The following FGD4 variants were observed in gnomAD, a reference collection of about 807,000 sequenced individuals.
The protein encoded by FGD4 is FYVE, RhoGEF and PH domain containing 4.
Under a neutral mutation model 102.0 loss-of-function variants are expected in FGD4, and 42 were observed. The observed-to-expected ratio is 0.41, with a 90% CI of 0.32 to 0.53. The LOEUF (loss-of-function observed/expected upper bound fraction) is 0.53, where lower values mean the gene tolerates loss of function less well. Among genes scored for constraint, FGD4 ranks in the 20% least tolerant of loss-of-function variants. The pLI, the probability that FGD4 is intolerant of heterozygous loss-of-function variation, is 0.21. For missense variants in FGD4, 902 were observed against 1,078.2 expected (o/e 0.84, Z 2.29); for synonymous variants, 380 against 375.7 (o/e 1.01, Z -0.13).
chr12:32,443,538 T>C (rs1032050578), intron 1 of FGD4, among the ~76,000 whole-genome samples: 4 of 147,336 alleles, frequency 2.7e-5, no homozygotes, highest in African/African-American at 9.9e-5. Flanking sequence ...TTTTAGGTTT[T>C]TTTTTTTTTT....
In FGD4 at chr12:32,582,220, C is replaced by T. The variant is rs1946672101; in HGVS notation, c.764C>T (p.Ala255Val). The T allele has an allele frequency of 6.2e-7, 1 of 1,614,224 alleles. No individual in the cohort carries two copies. The highest frequency in any genetic ancestry group is 8.5e-7 in the Non-Finnish European group (1 of 1,180,046). Residue 255 changes from alanine (A) to valine (V), a missense_variant, in exon 4 of 17, where the codon GCT (alanine) becomes GTT (valine). By Grantham distance (64) the Ala-to-Val change is moderately conservative. Around this residue, in one of 2 missense-constraint regions of FGD4, gnomAD observed 443 missense variants for 459.2 expected, o/e 0.96. Transcript: ENST00000534526. ...ATLSSDTSIQASEPLLDTHIV... is the reference protein window; with the variant it reads ...ATLSSDTSIQVSEPLLDTHIV... ...CTTAGCTCAGATACTTCTATTCAAG[C>T]TTCTGAACCCTTGCTTGATACGCAC...
Position 32,633,584 on chromosome 12 carries a change from A to G in FGD4, c.2208A>G (p.Gln736=). 3 of 1,613,984 alleles carry G rather than the reference A, an allele frequency of 1.9e-6. No homozygotes were observed. The East Asian group carries it at 6.7e-5, about 36-fold the overall frequency. Residue 736 remains glutamine (Q), a synonymous_variant, in exon 15 of 17, where the codon CAA becomes CAG. Coordinates refer to ENST00000534526, the MANE Select transcript of FGD4 (RefSeq NM_001370298.3). ...GGAAATGCTCCGACTACAAAGCTCA[A>G]CTTGAATATGATGGTGGTAAATTGA... ...VCWKCSDYKA[Q]LEYDGGKLSK... is the part of the protein sequence containing the mutation.
chr12:32,602,367 T>G (rs1266011283), intron 7 of FGD4, 50 bp downstream of exon 7: 2 of 1,604,998 alleles, frequency 1.2e-6, no homozygotes, highest in Non-Finnish European at 1.7e-6. Flanking sequence ...TCCATACAAA[T>G]TATACAGTCT....
Position 32,636,102 on chromosome 12 carries a change from A to G in FGD4, c.2313+2413A>G, listed in dbSNP as rs188643706. 2.9e-3 allele frequency among the ~76,000 whole-genome samples: 445 copies of G among 152,028 alleles called. 2 individuals carry two copies. Among genetic ancestry groups the G allele is most frequent in the African/African-American group, 0.01 (430 of 41,490 alleles). ...GAGGATAACCATTCACTTAATTGGA[A>G]TCTGAAGTTAGCGTTCCCTATCATC... is the stretch of plus-strand genomic sequence containing the variant. On this transcript the variant is annotated intron_variant, in intron 15 of 16. Coordinates refer to ENST00000534526, the MANE Select transcript of FGD4 (RefSeq NM_001370298.3).
intron 2 of FGD4, among the ~76,000 whole-genome samples, chr12:32,574,385 A>G (rs1240331278): frequency 7.5e-6 from 1 of 132,754 alleles, no homozygotes; most frequent in Non-Finnish European, 1.6e-5. Context: ...ATTAGTTCAT[A>G]TTTACTACTC....
chr12:32,586,327 A>G (rs142883717), intron 4 of FGD4, among the ~76,000 whole-genome samples: 1 of 152,346 alleles, frequency 6.6e-6, no homozygotes, highest in East Asian at 1.9e-4. Flanking sequence ...AGCACAGAAA[A>G]TACACACAAA....
chr12:32,429,018 C>T (rs1941950608), intron 1 of FGD4, among the ~76,000 whole-genome samples: 1 of 152,182 alleles, frequency 6.6e-6, no homozygotes, highest in South Asian at 2.1e-4. Context: ...CTTCTGAAGC[C>T]TACTTCTGTC....
chr12:32,534,912 AAAAC>A (rs1942116922), intron 1 of FGD4, among the ~76,000 whole-genome samples: 1 of 152,250 alleles, frequency 6.6e-6, no homozygotes, highest in African/African-American at 2.4e-5. Context: ...TTGTTCTGTT[AAAAC>A]AAACAAAAAT....
chr12:32,504,271 G>C (rs929372438), intron 1 of FGD4, among the ~76,000 whole-genome samples: 3 of 152,136 alleles, frequency 2.0e-5, no homozygotes, highest in Non-Finnish European at 4.4e-5. Flanking sequence ...CACAGAAATA[G>C]GTGAAGAGTG....
intron 2 of FGD4, among the ~76,000 whole-genome samples, chr12:32,575,863 CTA>C (rs1946084213): frequency 6.6e-6 from 1 of 152,162 alleles, no homozygotes; most frequent in South Asian, 2.1e-4. Context: ...TCAACTATAA[CTA>C]TTAGAAAACC....
chr12:32,633,688 A>G lies in FGD4; in HGVS notation c.2312A>G (p.Glu771Gly). 6.3e-7 allele frequency: 1 copy of G among 1,590,120 alleles called. No homozygotes were observed. The highest frequency in any genetic ancestry group is 8.6e-7 in the Non-Finnish European group (1 of 1,159,180). ...GAAAAGAAAAGAAAAGGAATTTTAG[A>G]GGTAAGAAATATTAAATATTGGATA... ...SEEKKRKGIL[E>G]IESAEVSGNS... Residue 771 changes from glutamate (E) to glycine (G), a missense_variant and splice_region_variant, in exon 15 of 17, where the codon GAG becomes GGG. Transcript: ENST00000534526.
intron 6 of FGD4, 34 bp downstream of exon 6, chr12:32,601,457 G>A: frequency 6.3e-7 from 1 of 1,594,408 alleles, no homozygotes. Flanking sequence ...ATATGTTTAA[G>A]GCAGTCATGC....
intron 1 of FGD4, among the ~76,000 whole-genome samples, chr12:32,475,515 G>T (rs1273904057): frequency 6.6e-6 from 1 of 152,148 alleles, no homozygotes; most frequent in Non-Finnish European, 1.5e-5. Flanking sequence ...AAAGCCTTTT[G>T]GTCTAGTTAT....
chr12:32,485,666 G>A (rs940342645), intron 1 of FGD4, among the ~76,000 whole-genome samples: 1 of 151,778 alleles, frequency 6.6e-6, no homozygotes, highest in East Asian at 1.9e-4. Flanking sequence ...GGATGGTCTC[G>A]ATTTCTTGAC....
intron 1 of FGD4, among the ~76,000 whole-genome samples, chr12:32,456,140 T>C (rs1942943836): frequency 6.6e-6 from 1 of 152,186 alleles, no homozygotes; most frequent in Admixed American, 6.5e-5. Flanking sequence ...TAAAGATAAC[T>C]TCAATAAAAT....
At chr12:32,473,382 C>G (rs886597620) in intron 1 of FGD4, among the ~76,000 whole-genome samples, 6 of 152,080 alleles carry the variant, frequency 3.9e-5, no homozygotes, top group African/African-American at 1.4e-4. Flanking sequence ...AGCTTCACTC[C>G]TGAGTCCAGC....
chr12:32,599,682 G>A (rs193139066), intron 5 of FGD4, among the ~76,000 whole-genome samples: 1,969 of 149,196 alleles, frequency 0.013, 45 homozygotes, highest in African/African-American at 0.047. Context: ...CGAGTAGCTG[G>A]AATTACAGGC....
Position 32,530,941 on chromosome 12 carries a change from G to GTTTTTTTTTTTTTTTTTTTTTTT in FGD4, c.167-33189_167-33167dup, listed in dbSNP as rs768536136. Among the ~76,000 whole-genome samples, 8 of 70,466 alleles carry GTTTTTTTTTTTTTTTTTTTTTTT rather than the reference G, an allele frequency of 1.1e-4. 4 individuals carry two copies. The highest frequency in any genetic ancestry group is 4.1e-4 in the African/African-American group (6 of 14,478). The allele number at this position is 70,466 out of a possible 152,430, so 46.2% of individuals were successfully genotyped here. Reference sequence around the variant, plus strand: ...TATGACAATCAGTTTCCTAGCTTTGGTTTTTTTTTTTTTTTTTTTTTTTTT... The same window carrying GTTTTTTTTTTTTTTTTTTTTTTT: ...TATGACAATCAGTTTCCTAGCTTTGGTTTTTTTTTTTTTTTTTTTTTTTTTTTTTTTTTTTTTTTTTTTTTTTT... On this transcript the variant is annotated intron_variant, in intron 1 of 16. Coordinates refer to ENST00000534526, the MANE Select transcript of FGD4 (RefSeq NM_001370298.3).
intron 1 of FGD4, among the ~76,000 whole-genome samples, chr12:32,534,866 C>T (rs1235197683): frequency 6.6e-6 from 1 of 152,188 alleles, no homozygotes; most frequent in Non-Finnish European, 1.5e-5. Context: ...GAAATATTTA[C>T]CACTAATCAT....
Sources: allele counts gnomAD v4.1 joint callset (sites outside exome capture counted in the v4.1 genomes callset), GRCh38; gene constraint gnomAD v4.1.1; regional missense constraint gnomAD v4.1.1; transcripts MANE v1.5; gene names NCBI Gene and HGNC (gene_info 2026-07-23, HGNC 2026-07-21).